The following PASK variants were observed in gnomAD, a reference collection of about 807,000 sequenced individuals.
PASK encodes PAS domain-containing serine/threonine-protein kinase.
In PASK, 110 loss-of-function variants were observed where a neutral mutation model predicts 121.0. The ratio of observed to expected loss-of-function variants is 0.91; its 90% CI spans 0.78 to 1.06. PASK has a LOEUF of 1.06. PASK is among the 50% of genes least tolerant of loss of function. The pLI, the probability that PASK is intolerant of heterozygous loss-of-function variation, is 0.00. For missense variants in PASK, 1,643 were observed against 1,702.3 expected (o/e 0.97, Z 0.61); for synonymous variants, 686 against 717.8 (o/e 0.96, Z 0.71).
rs2066778220 is a variant in PASK at position 241,142,982 on chromosome 2, G to A, written c.51C>T (p.Ser17=). The A allele has an allele frequency of 5.0e-6, 8 of 1,613,952 alleles. No individual in the cohort carries two copies. The highest frequency in any genetic ancestry group is 1.7e-5 in the Admixed American group (1 of 60,006). Residue 17 remains serine (S), a synonymous_variant, in exon 2 of 18, where the codon TCC becomes TCT. Coordinates refer to ENST00000234040, the MANE Select transcript of PASK (RefSeq NM_015148.4). Reference sequence around the variant, plus strand: ...CTGACACTGGCAAGGGGAGGCTCTGGGAAAGGCATCTCTGGTCCTCTTCAA... The same window carrying A: ...CTGACACTGGCAAGGGGAGGCTCTGAGAAAGGCATCTCTGGTCCTCTTCAA... ...TAFEEDQRCL[S]QSLPLPVSAE...
intron 9 of PASK, 136 bp downstream of exon 9, chr2:241,132,738 G>A (rs1559386390): frequency 1.3e-6 from 1 of 756,980 alleles, no homozygotes; most frequent in Non-Finnish European, 2.3e-6. Context: ...GTGGAAGAGA[G>A]CAGGTGCTCA....
upstream of PASK, chr2:241,149,668 C>G (rs543571805): frequency 1.4e-3 from 2,206 of 1,545,846 alleles, 38 homozygotes; most frequent in African/African-American, 0.027. Context: ...CGCCCCCGGG[C>G]CGGGCAGATG....
At chr2:241,119,221 C>T (rs912672077) in intron 12 of PASK, among the ~76,000 whole-genome samples, 1 of 152,200 alleles carries the variant, frequency 6.6e-6, no homozygotes, top group African/African-American at 2.4e-5. Flanking sequence ...CCAGTAACGG[C>T]GTCCGTCCAT....
At chr2:241,107,250 GGA>G in intron 17 of PASK, 101 bp downstream of exon 17, 2 of 1,001,086 alleles carry the variant, frequency 2.0e-6, no homozygotes, top group Non-Finnish European at 1.6e-6. Context: ...ACAGCATGGG[GGA>G]GAGAGCCTCC....
Position 241,122,786 on chromosome 2 carries a change from G to A in PASK, c.3018C>T (p.Gly1006=), listed in dbSNP as rs1195499841. 5 of 1,614,154 alleles carry A rather than the reference G, an allele frequency of 3.1e-6. No homozygotes were observed. Among genetic ancestry groups the A allele is most frequent in the East Asian group, 2.2e-5 (1 of 44,886 alleles). The part of the protein sequence containing the change: ...SQKYSTMSPL[G]SGAFGFVWTA... ...TCCACACGAAGCCGAAGGCCCCACT[G>A]CCCAGCGGGCTCATGGTACTGTACT... is the stretch of plus-strand genomic sequence containing the variant. Residue 1006 remains glycine (G), a synonymous_variant, in exon 12 of 18, where the codon GGC becomes GGT. Coordinates refer to ENST00000234040, the MANE Select transcript of PASK (RefSeq NM_015148.4).
At chr2:241,149,514 T>G, upstream of PASK, 1 of 760,830 alleles carries the variant, frequency 1.3e-6, no homozygotes, top group Non-Finnish European at 2.1e-6. Flanking sequence ...CTAGCACCGA[T>G]TGACAAGCTC....
chr2:241,138,301 G>GGTGT (rs1482444359), intron 5 of PASK, among the ~76,000 whole-genome samples: 3 of 152,230 alleles, frequency 2.0e-5, no homozygotes, highest in Non-Finnish European at 4.4e-5. Context: ...TTGTTCTTCA[G>GGTGT]GAGCCTGGCC....
chr2:241,132,926 G>C lies in PASK; in HGVS notation c.1411C>G (p.Leu471Val). The change falls in exon 9 of 18, where the codon CTG becomes GTG. Residue 471 changes from leucine (L) to valine (V), a missense_variant. Leu to Val is a conservative substitution (Grantham distance 32, BLOSUM62 1). Transcript: ENST00000234040. ...QDIFTGTQTE[L>V]IAGGQLLSCL... ...GAAAGGAGCTGGCCTCCAGCAATCAGCTCAGTCTGAGTCCCGGTGAAGATG... is the reference window on the plus strand; with the variant it reads ...GAAAGGAGCTGGCCTCCAGCAATCACCTCAGTCTGAGTCCCGGTGAAGATG... 6.2e-7 allele frequency: 1 copy of C among 1,613,990 alleles called. No individual in the cohort carries two copies.
intron 8 of PASK, chr2:241,133,403 C>A (rs945297277): frequency 8.3e-6 from 3 of 360,622 alleles, no homozygotes; most frequent in Non-Finnish European, 1.6e-5. Context: ...CCTGCCATAT[C>A]TGAAGTATTA....
intron 1 of PASK, among the ~76,000 whole-genome samples, chr2:241,145,545 A>G (rs189204328): frequency 1.8e-4 from 27 of 152,072 alleles, no homozygotes; most frequent in East Asian, 1.2e-3. Flanking sequence ...GTTTTCTTAA[A>G]CAAGGCACAA....
At chr2:241,139,566 T>TG (rs1559397186) in intron 4 of PASK, 1 of 603,730 alleles carries the variant, frequency 1.7e-6, no homozygotes, top group Non-Finnish European at 3.2e-6. Context: ...GAGCATCTGA[T>TG]GTGCTGCCCG....
At chr2:241,149,627 T>G, upstream of PASK, 1 of 1,537,778 alleles carries the variant, frequency 6.5e-7, no homozygotes, top group Non-Finnish European at 8.7e-7. Flanking sequence ...CTACGGCGCT[T>G]CGGAGGAGCC....
At chr2:241,140,130 C>G in intron 3 of PASK, 75 bp from the exon 4 acceptor site, 1 of 1,208,438 alleles carries the variant, frequency 8.3e-7, no homozygotes. Context: ...CAGCCCAGGA[C>G]GACCATGCAG....
intron 16 of PASK, among the ~76,000 whole-genome samples, chr2:241,107,782 G>A (rs2064948882): frequency 6.6e-6 from 1 of 152,244 alleles, no homozygotes; most frequent in Non-Finnish European, 1.5e-5. Flanking sequence ...TGGCAATGCA[G>A]AGCTGTGAAT....
In PASK at chr2:241,132,860, A is replaced by C; in HGVS notation, c.1463+14T>G. ...ACTTTTAGTAAACCTGCAACCTCCCACCAAGGGACTTACCCTGGAGCAGGC... is the reference window on the plus strand; with the variant it reads ...ACTTTTAGTAAACCTGCAACCTCCCCCCAAGGGACTTACCCTGGAGCAGGC... On this transcript the variant is annotated intron_variant, in intron 9 of 17. Coordinates refer to ENST00000234040, the MANE Select transcript of PASK (RefSeq NM_015148.4). The C allele has an allele frequency of 6.2e-7, 1 of 1,610,918 alleles. No individual in the cohort carries two copies. The highest frequency in any genetic ancestry group is 8.5e-7 in the Non-Finnish European group (1 of 1,177,106).
intron 6 of PASK, 72 bp downstream of exon 6, chr2:241,137,881 T>C: frequency 6.4e-7 from 1 of 1,554,186 alleles, no homozygotes; most frequent in Non-Finnish European, 8.9e-7. Flanking sequence ...ACCCTTGGTC[T>C]GCGTCTCCAG....
chr2:241,106,840 CA>C (rs2064906205), intron 17 of PASK, 117 bp from the exon 18 acceptor site: 12 of 1,009,834 alleles, frequency 1.2e-5, no homozygotes, highest in Non-Finnish European at 1.7e-5. Context: ...CTCAGAAATC[CA>C]ACTGGCAATG....
rs768202200 is a variant in PASK at position 241,136,010 on chromosome 2, G to A, written c.1167C>T (p.Tyr389=). The stretch of plus-strand genomic sequence containing the variant: ...TGTTGTACGCAAGGTCCATGTAGCT[G>A]TAGAAACCAGGAATCAGGAAAGTGA... ...KNITFLIPGF[Y]SYMDLAYNSS... Residue 389 remains tyrosine (Y), a synonymous_variant, in exon 8 of 18, where the codon TAC becomes TAT. Transcript: ENST00000234040. 41 of 1,613,984 alleles carry A rather than the reference G, an allele frequency of 2.5e-5. No individual in the cohort carries two copies. Among genetic ancestry groups the A allele is most frequent in the Non-Finnish European group, 3.3e-5 (39 of 1,179,904 alleles).
At chr2:241,116,633 T>C (rs78797111) in intron 12 of PASK, among the ~76,000 whole-genome samples, 13,302 of 152,240 alleles carry the variant, frequency 0.087, 696 homozygotes, top group African/African-American at 0.14. Flanking sequence ...CTGACAGACA[T>C]AAGGTAAATA....
Sources: allele counts gnomAD v4.1 joint callset (sites outside exome capture counted in the v4.1 genomes callset), GRCh38; gene constraint gnomAD v4.1.1; transcripts MANE v1.5; gene names NCBI Gene and HGNC (gene_info 2026-07-23, HGNC 2026-07-21).